PTPRN2: variants seen among roughly 807,000 people sequenced by gnomAD.
PTPRN2 encodes the protein receptor-type tyrosine-protein phosphatase N2.
In PTPRN2, 74 loss-of-function variants were observed where a neutral mutation model predicts 118.8. The observed-to-expected ratio is 0.62, with a 90% CI of 0.52 to 0.76. The LOEUF is 0.76. PTPRN2 is among the 30% of genes least tolerant of loss of function. The pLI, the probability that PTPRN2 is intolerant of heterozygous loss-of-function variation, is 0.00. For synonymous variants in PTPRN2, 641 were observed against 608.0 expected (o/e 1.05, Z -0.80); for missense variants, 1,481 against 1,394.4 (o/e 1.06, Z -0.99).
chr7:158,226,417 A>G (rs567704124), intron 3 of PTPRN2, among the ~76,000 whole-genome samples: 2 of 152,302 alleles, frequency 1.3e-5, no homozygotes, highest in East Asian at 3.9e-4. Context: ...GGAACACACC[A>G]GGTTTGTGGG....
chr7:157,720,542 A>G (rs1021105750), intron 12 of PTPRN2, among the ~76,000 whole-genome samples: 4 of 152,210 alleles, frequency 2.6e-5, no homozygotes, highest in African/African-American at 9.6e-5. Flanking sequence ...AGGAGGCCTG[A>G]GCCAAGGACA....
chr7:158,118,547 CATT>C (rs771772300), intron 9 of PTPRN2, among the ~76,000 whole-genome samples: 22 of 152,144 alleles, frequency 1.4e-4, no homozygotes, highest in Non-Finnish European at 2.8e-4. Context: ...CCCTCCTCAT[CATT>C]AATTACTTTA....
intron 3 of PTPRN2, among the ~76,000 whole-genome samples, chr7:158,246,271 G>A (rs958119948): frequency 2.6e-5 from 4 of 151,794 alleles, no homozygotes; most frequent in Non-Finnish European, 4.4e-5. Context: ...AAGGAAGAGG[G>A]GGAAAAATCC....
chr7:158,502,220 A>C (rs759121821), intron 1 of PTPRN2, among the ~76,000 whole-genome samples: 1 of 152,318 alleles, frequency 6.6e-6, no homozygotes, highest in Non-Finnish European at 1.5e-5. Flanking sequence ...GTTTTATGGA[A>C]ACACAGCCAC....
intron 2 of PTPRN2, among the ~76,000 whole-genome samples, chr7:158,337,397 TGCA>T (rs1805848035): frequency 5.3e-5 from 1 of 18,844 alleles, no homozygotes. Flanking sequence ...AGGTAACACC[TGCA>T]GACGTCCCTC....
rs144716498 is a variant in PTPRN2 at position 158,546,902 on chromosome 7, G to C, written c.112+40656C>G. ...CATCTCACGCATGCTGGGCAGCCTG[G>C]GCACCTGGGGCAGGGCTGGGGGACA... On this transcript the variant is annotated intron_variant, in intron 1 of 22. Coordinates refer to ENST00000389418, the MANE Select transcript of PTPRN2 (RefSeq NM_002847.5). This position sits in a 1 kb window ranked among gnomAD's most constrained non-coding sequence, Gnocchi z 5.0. Among the ~76,000 whole-genome samples the C allele has an allele frequency of 1.3e-5, 2 of 152,314 alleles. No homozygotes were observed. Among genetic ancestry groups the C allele is most frequent in the East Asian group, 3.9e-4 (2 of 5,164 alleles).
At chr7:158,149,132 C>T (rs1207357733) in intron 6 of PTPRN2, among the ~76,000 whole-genome samples, 1 of 150,874 alleles carries the variant, frequency 6.6e-6, no homozygotes, top group Admixed American at 6.6e-5. Context: ...GACACCCCAT[C>T]TCACGCCACG....
chr7:158,372,968 C>T (rs1287967846), intron 2 of PTPRN2, among the ~76,000 whole-genome samples: 5 of 151,688 alleles, frequency 3.3e-5, no homozygotes, highest in Admixed American at 2.6e-4. Flanking sequence ...GGCCACCTGG[C>T]CACTCTAGAA....
At chr7:158,388,874 G>A (rs1811709753) in intron 2 of PTPRN2, among the ~76,000 whole-genome samples, 1 of 152,156 alleles carries the variant, frequency 6.6e-6, no homozygotes, top group Admixed American at 6.5e-5. Context: ...AAATACATAC[G>A]TTATTATTAA....
intron 2 of PTPRN2, among the ~76,000 whole-genome samples, chr7:158,318,595 A>G (rs1044844951): frequency 6.6e-6 from 1 of 152,214 alleles, no homozygotes; most frequent in African/African-American, 2.4e-5. Context: ...CCCTGAGGCC[A>G]GGGAGGCTCA....
intron 12 of PTPRN2, among the ~76,000 whole-genome samples, chr7:157,848,350 T>C (rs1809028382): frequency 6.6e-6 from 1 of 150,856 alleles, no homozygotes; most frequent in South Asian, 2.1e-4. Flanking sequence ...GGGTGCAGTA[T>C]GTTTACAGAT....
chr7:158,025,929 C>G (rs1807229433), intron 11 of PTPRN2, among the ~76,000 whole-genome samples: 1 of 152,168 alleles, frequency 6.6e-6, no homozygotes, highest in African/African-American at 2.4e-5. Flanking sequence ...CTTTCAATTC[C>G]TTTTGTAATG....
chr7:158,385,503 A>G (rs936086948), intron 2 of PTPRN2, among the ~76,000 whole-genome samples: 29 of 152,208 alleles, frequency 1.9e-4, no homozygotes, highest in African/African-American at 7.0e-4. Context: ...GCATCCATGA[A>G]ACATTCTTGT....
chr7:158,070,408 C>CGTGCTCGTGGTGGTG (rs1453166647), intron 11 of PTPRN2, among the ~76,000 whole-genome samples: 39 of 17,208 alleles, frequency 2.3e-3, no homozygotes, highest in African/African-American at 6.3e-3. Context: ...TGGTGGTGGA[C>CGTGCTCGTGGTGGTG]GTGCTCGTGG....
chr7:158,184,356 A>G (rs1354477702), intron 5 of PTPRN2, among the ~76,000 whole-genome samples: 2 of 152,160 alleles, frequency 1.3e-5, no homozygotes, highest in East Asian at 1.9e-4. Flanking sequence ...TTATTTCATA[A>G]TTTTTGATGC....
Position 157,784,781 on chromosome 7 carries a change from G to A in PTPRN2, c.1789-101844C>T, listed in dbSNP as rs956559848. ...CACCGCAAACCCTGACCCCACACCCGGCCTCTCTGCAGCTAATGGAAGGAA... is the reference window on the plus strand; with the variant it reads ...CACCGCAAACCCTGACCCCACACCCAGCCTCTCTGCAGCTAATGGAAGGAA... On this transcript the variant is annotated intron_variant, in intron 12 of 22. Transcript: ENST00000389418. This position sits in a 1 kb window ranked among gnomAD's most constrained non-coding sequence, Gnocchi z 4.6. Among the ~76,000 whole-genome samples, 6 of 152,152 alleles carry A rather than the reference G, an allele frequency of 3.9e-5. No homozygotes were observed. The highest frequency in any genetic ancestry group is 1.4e-4 in the African/African-American group (6 of 41,446).
In PTPRN2 at chr7:157,540,804, G is replaced by C; in HGVS notation, c.2977-19C>G. 1 of 1,548,834 alleles carries C rather than the reference G, an allele frequency of 6.5e-7. No homozygotes were observed. Among genetic ancestry groups the C allele is most frequent in the Non-Finnish European group, 8.7e-7 (1 of 1,143,074 alleles). On this transcript the variant is annotated intron_variant, in intron 22 of 22. Coordinates refer to ENST00000389418, the MANE Select transcript of PTPRN2 (RefSeq NM_002847.5). ...ACTGCTCCTGCAGGGCGAGAAACGAGAGAAGTGCCAATGAGAGCGGCGTCC... is the reference window on the plus strand; with the variant it reads ...ACTGCTCCTGCAGGGCGAGAAACGACAGAAGTGCCAATGAGAGCGGCGTCC...
intron 10 of PTPRN2, among the ~76,000 whole-genome samples, chr7:158,082,399 C>G (rs781392472): frequency 3.0e-4 from 45 of 152,208 alleles, no homozygotes; most frequent in Non-Finnish European, 5.1e-4. Context: ...GACATCTCTG[C>G]TCATGATACC....
chr7:158,053,686 C>A (rs765611674), intron 11 of PTPRN2, among the ~76,000 whole-genome samples: 1 of 152,162 alleles, frequency 6.6e-6, no homozygotes, highest in East Asian at 1.9e-4. Context: ...ACAGCCGCTG[C>A]GGAAGATGCA....
Sources: allele counts gnomAD v4.1 joint callset (sites outside exome capture counted in the v4.1 genomes callset), GRCh38; gene constraint gnomAD v4.1.1; non-coding constraint Gnocchi (gnomAD v3.1); transcripts MANE v1.5; gene names NCBI Gene and HGNC (gene_info 2026-07-23, HGNC 2026-07-21).